SUSD4: variants seen among roughly 807,000 people sequenced by gnomAD.
SUSD4 encodes sushi domain-containing protein 4.
Under a neutral mutation model 50.5 loss-of-function variants are expected in SUSD4, and 41 were observed. The ratio of observed to expected loss-of-function variants is 0.81; its 90% confidence interval spans 0.63 to 1.05. The LOEUF is 1.05. SUSD4 is among the 50% of genes least tolerant of loss of function. The pLI, the probability that SUSD4 is intolerant of heterozygous loss-of-function variation, is 0.00. For missense variants in SUSD4, 580 were observed against 634.7 expected (o/e 0.91, Z 0.93); for synonymous variants, 257 against 257.3 (o/e 1.00, Z 0.01).
At chr1:223,272,120 G>A (rs967959501) in intron 3 of SUSD4, among the ~76,000 whole-genome samples, 14 of 152,194 alleles carry the variant, frequency 9.2e-5, no homozygotes, top group Admixed American at 7.9e-4. Flanking sequence ...CCAGCTACTC[G>A]GGAGGCTGAG....
Position 223,221,194 on chromosome 1 carries a change from C to T in SUSD4, c.*998G>A. ...TAAAAGGGGGAAAAATCCAACCTCA[C>T]ACTTCTTTTGAAGGTCGGATATGTT... On this transcript the variant is annotated 3_prime_UTR_variant, in exon 9 of 9. Transcript: ENST00000366878. The T allele has an allele frequency of 5.0e-6, 2 of 400,530 alleles. No homozygotes were observed. Among genetic ancestry groups the T allele is most frequent in the Non-Finnish European group, 8.8e-6 (2 of 226,156 alleles). 24.8% of individuals were successfully genotyped at this position (400,530 alleles called of 1,614,324 possible). A position where few individuals can be genotyped will look rare whatever the true frequency, so the allele number is the denominator to read the frequency against.
chr1:223,253,170 C>T (rs1426257673), intron 5 of SUSD4, among the ~76,000 whole-genome samples: 1 of 151,180 alleles, frequency 6.6e-6, no homozygotes, highest in Non-Finnish European at 1.5e-5. Flanking sequence ...AGAATGTAAA[C>T]AAAGTCCTGG....
chr1:223,306,716 C>G (rs1454590947), intron 2 of SUSD4, among the ~76,000 whole-genome samples: 2 of 152,204 alleles, frequency 1.3e-5, no homozygotes, highest in South Asian at 2.1e-4. Flanking sequence ...TGGTCTTGAA[C>G]TCCTGAGCAC....
intron 3 of SUSD4, among the ~76,000 whole-genome samples, chr1:223,282,841 A>C (rs1446419646): frequency 6.6e-6 from 1 of 152,212 alleles, no homozygotes; most frequent in Admixed American, 6.5e-5. Context: ...TTCAAACTAT[A>C]CTACAAGGCT....
At chr1:223,360,010 G>A (rs1420159292) in intron 2 of SUSD4, among the ~76,000 whole-genome samples, 1 of 151,986 alleles carries the variant, frequency 6.6e-6, no homozygotes, top group Non-Finnish European at 1.5e-5. Flanking sequence ...AGCCCCCTCC[G>A]CCCTACTATT....
chr1:223,312,324 T>C lies in SUSD4; in HGVS notation c.149-19673A>G, dbSNP rs907353269. 2.0e-5 allele frequency among the ~76,000 whole-genome samples: 3 copies of C among 152,148 alleles called. No individual in the cohort carries two copies. In the East Asian group the frequency reaches 5.8e-4, roughly 29 times the overall value. On this transcript the variant is annotated intron_variant, in intron 2 of 8. Transcript: ENST00000366878. ...TGGGCAAATAGGACAGGCTGGGAAC[T>C]AAAAGCTATCTAGGCCTCAACTCTG...
chr1:223,362,503 C>A (rs1335563729), intron 2 of SUSD4, among the ~76,000 whole-genome samples: 1 of 152,216 alleles, frequency 6.6e-6, no homozygotes, highest in Admixed American at 6.5e-5. Context: ...GGAACTCCAT[C>A]TGTCTTCCTC....
intron 5 of SUSD4, among the ~76,000 whole-genome samples, chr1:223,238,294 A>G (rs1660353751): frequency 1.3e-5 from 2 of 151,938 alleles, no homozygotes; most frequent in Non-Finnish European, 1.5e-5. Context: ...TCAAATAATC[A>G]GCTTTTGACT....
At chr1:223,269,316 G>C (rs1467294439) in intron 3 of SUSD4, among the ~76,000 whole-genome samples, 1 of 152,220 alleles carries the variant, frequency 6.6e-6, no homozygotes, top group Non-Finnish European at 1.5e-5. Flanking sequence ...AATGGAGTAA[G>C]AGCAAAAGGC....
intron 5 of SUSD4, among the ~76,000 whole-genome samples, chr1:223,256,982 T>C (rs1571900964): frequency 6.6e-6 from 1 of 152,178 alleles, no homozygotes; most frequent in African/African-American, 2.4e-5. Flanking sequence ...TCGTGACTGT[T>C]GTTAGGAGAG....
intron 5 of SUSD4, chr1:223,263,858 G>A (rs534565146): frequency 1.0e-5 from 10 of 985,364 alleles, no homozygotes; most frequent in African/African-American, 8.7e-5. Context: ...GCTTTGAAGC[G>A]GCTCCTGACT....
chr1:223,327,651 C>A (rs931260869), intron 2 of SUSD4, among the ~76,000 whole-genome samples: 1 of 152,146 alleles, frequency 6.6e-6, no homozygotes, highest in Non-Finnish European at 1.5e-5. Flanking sequence ...GGGCACAAGG[C>A]CACTTCTGGC....
chr1:223,302,191 T>G, intron 2 of SUSD4, among the ~76,000 whole-genome samples: 1 of 152,108 alleles, frequency 6.6e-6, no homozygotes, highest in East Asian at 1.9e-4. Context: ...CCACCATGAT[T>G]GTAAGTTTCC....
In SUSD4 at chr1:223,228,829, G is replaced by A. The variant is rs374556972; in HGVS notation, c.916+368C>T. Among the ~76,000 whole-genome samples, 151 of 152,120 alleles carry A rather than the reference G, an allele frequency of 9.9e-4. 1 individual carries two copies. The highest frequency in any genetic ancestry group is 3.4e-3 in the African/African-American group (143 of 41,520). ...AAGGACAAGGCTGGGAGAAAAAAGA[G>A]TGTGGAGGCTGGAGGTCTTTCCATG... On this transcript the variant is annotated intron_variant, in intron 6 of 8. Coordinates refer to ENST00000366878, the MANE Select transcript of SUSD4 (RefSeq NM_017982.4).
chr1:223,335,187 T>C lies in SUSD4; in HGVS notation c.148+28091A>G, dbSNP rs111439469. Among the ~76,000 whole-genome samples, 554 of 152,346 alleles carry C rather than the reference T, an allele frequency of 3.6e-3. 3 individuals carry two copies. Among genetic ancestry groups the C allele is most frequent in the Admixed American group, 8.6e-3 (132 of 15,308 alleles). ...GAATGTGCTGCTATAAACATGTGTA[T>C]GCAAGTATTTTTTTTCATATAATGA... On this transcript the variant is annotated intron_variant, in intron 2 of 8. Transcript: ENST00000366878.
chr1:223,257,277 G>C (rs1481267283), intron 5 of SUSD4, among the ~76,000 whole-genome samples: 2 of 152,162 alleles, frequency 1.3e-5, no homozygotes, highest in Non-Finnish European at 2.9e-5. Context: ...GCCGAGGTGG[G>C]AGGATTGCTT....
chr1:223,249,775 T>G (rs956907358), intron 5 of SUSD4, among the ~76,000 whole-genome samples: 53 of 152,186 alleles, frequency 3.5e-4, no homozygotes, highest in Admixed American at 7.2e-4. Flanking sequence ...GCAAAAAACA[T>G]AAAACAAAAA....
At chr1:223,310,803 T>C (rs1345637009) in intron 2 of SUSD4, among the ~76,000 whole-genome samples, 2 of 152,240 alleles carry the variant, frequency 1.3e-5, no homozygotes, top group East Asian at 1.9e-4. Flanking sequence ...AAATGGCCCA[T>C]GTGGCCCTCT....
chr1:223,349,473 T>C (rs183053599), intron 2 of SUSD4, among the ~76,000 whole-genome samples: 2 of 152,276 alleles, frequency 1.3e-5, no homozygotes, highest in African/African-American at 2.4e-5. Context: ...TTAGAGCAAA[T>C]GTTATGGCCC....
Sources: allele counts gnomAD v4.1 joint callset (sites outside exome capture counted in the v4.1 genomes callset), GRCh38; gene constraint gnomAD v4.1.1; transcripts MANE v1.5; gene names NCBI Gene and HGNC (gene_info 2026-07-23, HGNC 2026-07-21).